Variants in VIRMA observed in about 807,000 individuals in gnomAD.
VIRMA encodes the protein vir like m6A methyltransferase associated.
Under a neutral mutation model 182.4 loss-of-function variants are expected in VIRMA, and 65 were observed. The ratio of observed to expected loss-of-function variants is 0.36; its 90% CI spans 0.29 to 0.44. The LOEUF is 0.44. Ranked by LOEUF, VIRMA falls within the 20% of genes least tolerant of loss-of-function variation. The pLI, the probability that VIRMA is intolerant of heterozygous loss-of-function variation, is 1.00. For missense variants in VIRMA, 1,752 were observed against 2,158.1 expected, an observed-to-expected ratio of 0.81 and a Z score of 3.73; for synonymous variants, 709 against 743.1, an observed-to-expected ratio of 0.95 and a Z score of 0.75.
chr8:94,550,295 T>C (rs1815932934), intron 1 of VIRMA, among the ~76,000 whole-genome samples: 2 of 152,100 alleles, frequency 1.3e-5, no homozygotes, highest in South Asian at 2.1e-4. Flanking sequence ...GAACCATTTT[T>C]TTTTTTTTTC....
At chr8:94,528,993 T>A in intron 7 of VIRMA, 77 bp downstream of exon 7, 1 of 1,553,614 alleles carries the variant, frequency 6.4e-7, no homozygotes, top group South Asian at 1.3e-5. Flanking sequence ...TTGCTAGAAA[T>A]TCTTTTGCAT....
At chr8:94,494,320 G>C (rs1813697258) in intron 20 of VIRMA, among the ~76,000 whole-genome samples, 1 of 151,618 alleles carries the variant, frequency 6.6e-6, no homozygotes, top group South Asian at 2.1e-4. Context: ...GGCTGGGCAT[G>C]GTGGCTCACG....
At chr8:94,514,729 C>T (rs1814501379) in intron 11 of VIRMA, 140 bp downstream of exon 11, 2 of 532,418 alleles carry the variant, frequency 3.8e-6, no homozygotes, top group Admixed American at 6.4e-5. Flanking sequence ...CATATACCAA[C>T]CTGTACCTAC....
intron 12 of VIRMA, 102 bp from the exon 13 acceptor site, chr8:94,511,831 T>C: frequency 1.4e-6 from 1 of 720,302 alleles, no homozygotes; most frequent in East Asian, 3.6e-5. Context: ...ATAATTATAT[T>C]TATAATAAAT....
chr8:94,543,861 CTCTT>C lies in VIRMA; in HGVS notation c.141_144del (p.Arg48ProfsTer21). The C allele has an allele frequency of 6.2e-7, 1 of 1,611,518 alleles. No individual in the cohort carries two copies. The highest frequency in any genetic ancestry group is 8.5e-7 in the Non-Finnish European group (1 of 1,178,048). ...CTATTGTCTGGCAGACTGCTATGGG[CTCTT>C]ACTCCTGGGGGTATGACTCGGACTT... On this transcript the variant is annotated frameshift_variant, in exon 2 of 24. Coordinates refer to ENST00000297591, the MANE Select transcript of VIRMA (RefSeq NM_015496.5). LOFTEE classifies it high-confidence loss of function.
chr8:94,526,789 T>C lies in VIRMA; in HGVS notation c.1455A>G (p.Gly485=), dbSNP rs1195425667. The change falls in exon 8 of 24, where the codon GGA becomes GGG. Residue 485 remains glycine, a synonymous_variant. Coordinates refer to ENST00000297591, the MANE Select transcript of VIRMA (RefSeq NM_015496.5). ...TGLLQAGVIS[G]LFELLFADHV... Reference sequence around the variant, plus strand: ...GATCAGCAAACAGAAGTTCAAATAATCCACTGATCACTCCTGCTTGTAGCA... The same window carrying C: ...GATCAGCAAACAGAAGTTCAAATAACCCACTGATCACTCCTGCTTGTAGCA... 1 of 1,614,138 alleles carries C rather than the reference T, an allele frequency of 6.2e-7. No individual in the cohort carries two copies. Among genetic ancestry groups the C allele is most frequent in the Admixed American group, 1.7e-5 (1 of 60,030 alleles).
intron 16 of VIRMA, among the ~76,000 whole-genome samples, chr8:94,500,646 C>T (rs1383336497): frequency 7.2e-6 from 1 of 139,314 alleles, no homozygotes; most frequent in African/African-American, 2.7e-5. Flanking sequence ...GAAAACAGTT[C>T]GGTAGTTTCT....
At position 94,511,790 on chromosome 8, in the gene VIRMA, G is replaced by T. The variant is rs989895425; in HGVS notation, c.2846-61C>A. 6 of 1,008,428 alleles carry T rather than the reference G, an allele frequency of 5.9e-6. No individual in the cohort carries two copies. In the Admixed American group the frequency reaches 1.7e-4, roughly 28 times the overall value. 62.5% of individuals were successfully genotyped at this position (1,008,428 alleles called of 1,614,324 possible). A position where few individuals can be genotyped will look rare whatever the true frequency, so the allele number is the denominator to read the frequency against. ...TACTTATATGTTAATAACTGATTAA[G>T]AATTATTAAAGTGAATATTTAATAT... On this transcript the variant is annotated intron_variant, in intron 12 of 23. Coordinates refer to ENST00000297591, the MANE Select transcript of VIRMA (RefSeq NM_015496.5).
At chr8:94,499,773 G>A (rs1245386189) in intron 16 of VIRMA, among the ~76,000 whole-genome samples, 1 of 152,106 alleles carries the variant, frequency 6.6e-6, no homozygotes, top group Non-Finnish European at 1.5e-5. Flanking sequence ...GGCTGGGTGT[G>A]GTGGCTCACG....
In VIRMA at chr8:94,529,191, A is replaced by G. The variant is rs376586037; in HGVS notation, c.759T>C (p.Asp253=). 3.4e-6 allele frequency: 5 copies of G among 1,449,860 alleles called. No individual in the cohort carries two copies. In the Admixed American group the frequency reaches 8.4e-5, roughly 24 times the overall value. The allele number at this position is 1,449,860 out of a possible 1,614,324, so 89.8% of individuals were successfully genotyped here. The change falls in exon 7 of 24, where the codon GAT becomes GAC. Residue 253 remains aspartate, a synonymous_variant. Coordinates refer to ENST00000297591, the MANE Select transcript of VIRMA (RefSeq NM_015496.5). The part of the protein sequence containing the change: ...EQQEEGEEDE[D]DVDVEEEEDE... ...CCTCTTCTTCCTCTACATCCACATC[A>G]TCTTCATCTTCTTCTCCTTCTTCTT...
At chr8:94,550,290 A>ATTTTTT (rs11356608) in intron 1 of VIRMA, among the ~76,000 whole-genome samples, 2 of 143,096 alleles carry the variant, frequency 1.4e-5, no homozygotes, top group African/African-American at 2.6e-5. Context: ...TCTCTGAACC[A>ATTTTTT]TTTTTTTTTT....
chr8:94,519,487 G>A lies in VIRMA; in HGVS notation c.2022-11C>T. ...TGACTGTGAAGATATCTGTGGAAGA[G>A]TTAATTGATACATGTCAAGTCAGTG... On this transcript the variant is annotated splice_polypyrimidine_tract_variant and intron_variant, in intron 8 of 23. Transcript: ENST00000297591. The A allele has an allele frequency of 1.3e-6, 2 of 1,518,662 alleles. No homozygotes were observed. Among genetic ancestry groups the A allele is most frequent in the South Asian group, 1.4e-5 (1 of 73,804 alleles). The allele number at this position is 1,518,662 out of a possible 1,614,324, so 94.1% of individuals were successfully genotyped here.
intron 16 of VIRMA, among the ~76,000 whole-genome samples, chr8:94,502,733 C>G (rs1450191001): frequency 4.6e-5 from 7 of 152,056 alleles, no homozygotes; most frequent in African/African-American, 1.7e-4. Flanking sequence ...CAAGCTGATC[C>G]TGGAACACCT....
intron 11 of VIRMA, among the ~76,000 whole-genome samples, chr8:94,514,502 A>G (rs1311456198): frequency 6.6e-6 from 1 of 152,224 alleles, no homozygotes; most frequent in Non-Finnish European, 1.5e-5. Context: ...ATTTTGAGTG[A>G]AATTCTTTTT....
At chr8:94,522,703 T>G (rs1814815700) in intron 8 of VIRMA, among the ~76,000 whole-genome samples, 1 of 152,188 alleles carries the variant, frequency 6.6e-6, no homozygotes, top group Non-Finnish European at 1.5e-5. Context: ...TCTGTCACTA[T>G]AAGCACAATA....
In VIRMA at chr8:94,495,744, G is replaced by C. The variant is rs372944194; in HGVS notation, c.4531C>G (p.Leu1511Val). 2.8e-5 allele frequency: 45 copies of C among 1,613,066 alleles called. No individual in the cohort carries two copies. Among genetic ancestry groups the C allele is most frequent in the Non-Finnish European group, 3.6e-5 (43 of 1,179,630 alleles). ...TGTGTATTTTACCTATTGTTAAACA[G>C]ATTCTGAAGAGATTCTGGAGCTGAA... is the stretch of plus-strand genomic sequence containing the variant. ...VLSAPESLQN[L>V]FNNRTAYVLA... The change falls in exon 19 of 24, where the codon CTG becomes GTG. Residue 1511 changes from leucine (L) to valine (V), a missense_variant. Coordinates refer to ENST00000297591, the MANE Select transcript of VIRMA (RefSeq NM_015496.5).
chr8:94,493,769 T>C (rs1457009732), intron 20 of VIRMA, among the ~76,000 whole-genome samples: 1 of 152,228 alleles, frequency 6.6e-6, no homozygotes, highest in Non-Finnish European at 1.5e-5. Context: ...CTTAGTTTTA[T>C]TGTATATGAT....
intron 20 of VIRMA, among the ~76,000 whole-genome samples, chr8:94,494,149 T>C (rs1813692154): frequency 6.6e-6 from 1 of 152,292 alleles, no homozygotes; most frequent in East Asian, 1.9e-4. Context: ...GTGTGATTTT[T>C]CCCTTAAAAA....
chr8:94,544,423 A>G (rs1407601949), intron 1 of VIRMA, among the ~76,000 whole-genome samples: 1 of 152,146 alleles, frequency 6.6e-6, no homozygotes, highest in Non-Finnish European at 1.5e-5. Flanking sequence ...CTGTAATCCC[A>G]GCACTTTGGG....
Sources: allele counts gnomAD v4.1 joint callset (sites outside exome capture counted in the v4.1 genomes callset), GRCh38; gene constraint gnomAD v4.1.1; transcripts MANE v1.5; gene names NCBI Gene and HGNC (gene_info 2026-07-23, HGNC 2026-07-21).